The following SMCHD1 variants were observed in gnomAD, a reference collection of about 807,000 sequenced individuals.
SMCHD1 encodes the protein structural maintenance of chromosomes flexible hinge domain containing 1.
In SMCHD1, 78 loss-of-function variants were observed where a neutral mutation model predicts 254.7. The observed-to-expected ratio is 0.31, with a 90% confidence interval of 0.26 to 0.37. The LOEUF (loss-of-function observed/expected upper bound fraction) is 0.37. SMCHD1 is among the 10% of genes least tolerant of loss of function. The pLI, the probability that SMCHD1 is intolerant of heterozygous loss-of-function variation, is 1.00. For synonymous variants in SMCHD1, 766 were observed against 794.9 expected, an observed-to-expected ratio of 0.96 and a Z score of 0.61; for missense variants, 1,840 against 2,408.1, an observed-to-expected ratio of 0.76 and a Z score of 4.94.
chr18:2,708,909 ACATATT>A, intron 17 of SMCHD1, among the ~76,000 whole-genome samples: 1 of 28,378 alleles, frequency 3.5e-5, no homozygotes, highest in Non-Finnish European at 6.1e-5. Flanking sequence ...TATATATATA[ACATATT>A]AACATGAAAT....
At chr18:2,739,560 T>C in intron 27 of SMCHD1, 40 bp downstream of exon 27, 1 of 1,504,996 alleles carries the variant, frequency 6.6e-7, no homozygotes, top group South Asian at 1.1e-5. Context: ...AACAAAAAAA[T>C]CTTCTGTGAT....
At chr18:2,745,458 A>G (rs1265885459) in intron 29 of SMCHD1, among the ~76,000 whole-genome samples, 1 of 152,244 alleles carries the variant, frequency 6.6e-6, no homozygotes, top group Non-Finnish European at 1.5e-5. Context: ...TGTGAGTTTA[A>G]AAAGCAGATA....
rs933151134 is a variant in SMCHD1, at chr18:2,802,859, G to A, written c.*307G>A. ...GCAGTGACTGTAAAACTGGCACATG[G>A]CATTTATTAATCCTGAAGAAAAGTA... is the stretch of plus-strand genomic sequence containing the variant. On this transcript the variant is annotated 3_prime_UTR_variant, in exon 48 of 48. Transcript: ENST00000320876. 12 of 284,952 alleles carry A rather than the reference G, an allele frequency of 4.2e-5. No homozygotes were observed. The highest frequency in any genetic ancestry group is 6.5e-5 in the Non-Finnish European group (10 of 154,486). 17.7% of individuals were successfully genotyped at this position (284,952 alleles called of 1,614,324 possible). A position where few individuals can be genotyped will look rare whatever the true frequency, so the allele number is the denominator to read the frequency against.
intron 47 of SMCHD1, among the ~76,000 whole-genome samples, chr18:2,797,871 C>T (rs1353411262): frequency 2.0e-5 from 3 of 151,850 alleles, no homozygotes; most frequent in Non-Finnish European, 2.9e-5. Context: ...GAGCTGAGAT[C>T]GCACCATTGC....
At chr18:2,661,605 T>C (rs2073256931) in intron 1 of SMCHD1, among the ~76,000 whole-genome samples, 1 of 152,096 alleles carries the variant, frequency 6.6e-6, no homozygotes, top group South Asian at 2.1e-4. Flanking sequence ...TCTGTGGGTT[T>C]TTAATATGGG....
intron 21 of SMCHD1, 76 bp downstream of exon 21, chr18:2,725,071 A>G: frequency 1.1e-6 from 1 of 924,632 alleles, no homozygotes; most frequent in Non-Finnish European, 1.5e-6. Context: ...ATTGTAAATG[A>G]AAAGTGGAAT....
At chr18:2,760,630 C>A in intron 34 of SMCHD1, 22 bp from the exon 35 acceptor site, 1 of 1,319,118 alleles carries the variant, frequency 7.6e-7, no homozygotes, top group Admixed American at 1.7e-5. Flanking sequence ...TGTCAGTAAT[C>A]TTAACTTTCT....
chr18:2,742,463 T>A lies in SMCHD1; in HGVS notation c.3634-1298T>A, dbSNP rs577358742. On this transcript the variant is annotated intron_variant, in intron 28 of 47. Transcript: ENST00000320876. ...AGAAGAGCTATCAAATTTGGAACCCTAAGATAGACTTTGCATATTTTGAAC... is the reference window on the plus strand; with the variant it reads ...AGAAGAGCTATCAAATTTGGAACCCAAAGATAGACTTTGCATATTTTGAAC... Among the ~76,000 whole-genome samples, 6 of 152,336 alleles carry A rather than the reference T, an allele frequency of 3.9e-5. No homozygotes were observed. The South Asian group carries it at 1.2e-3, about 32-fold the overall frequency.
chr18:2,692,466 ACTGGC>A lies in SMCHD1; in HGVS notation c.874-2060_874-2056del, dbSNP rs1188078104. Among the ~76,000 whole-genome samples, 4 of 152,176 alleles carry A rather than the reference ACTGGC, an allele frequency of 2.6e-5. No homozygotes were observed. The East Asian group carries it at 7.7e-4, about 29-fold the overall frequency. ...TTCCTCTCAACTACCCTTTACAATT[ACTGGC>A]ATCCACTAGCCATGCAGTTAAAGTT... On this transcript the variant is annotated intron_variant, in intron 7 of 47. Coordinates refer to ENST00000320876, the MANE Select transcript of SMCHD1 (RefSeq NM_015295.3).
At chr18:2,713,978 T>A (rs2074739661) in intron 17 of SMCHD1, among the ~76,000 whole-genome samples, 1 of 152,224 alleles carries the variant, frequency 6.6e-6, no homozygotes, top group African/African-American at 2.4e-5. Context: ...TATTGTTGGG[T>A]AGAATGTTGT....
In SMCHD1 at chr18:2,666,137, T is replaced by C; in HGVS notation, c.187-20T>C. The C allele has an allele frequency of 8.2e-7, 1 of 1,216,844 alleles. No homozygotes were observed. The highest frequency in any genetic ancestry group is 1.3e-5 in the South Asian group (1 of 74,288). The allele number at this position is 1,216,844 out of a possible 1,614,324, so 75.4% of individuals were successfully genotyped here. A position where few individuals can be genotyped will look rare whatever the true frequency, so the allele number is the denominator to read the frequency against. ...TATTTCCTTTGTGTAATAAGTGATT[T>C]TATTTCTTATTTTGGATAGACACTT... On this transcript the variant is annotated intron_variant, in intron 1 of 47. Transcript: ENST00000320876.
At chr18:2,701,878 C>T (rs1247381854) in intron 12 of SMCHD1, among the ~76,000 whole-genome samples, 1 of 151,520 alleles carries the variant, frequency 6.6e-6, no homozygotes, top group African/African-American at 2.4e-5. Flanking sequence ...GTGCATAGTA[C>T]ATAGTATTTG....
At chr18:2,708,013 TC>T in intron 17 of SMCHD1, 93 bp downstream of exon 17, 9 of 706,008 alleles carry the variant, frequency 1.3e-5, no homozygotes, top group Non-Finnish European at 1.9e-5. Context: ...GACCTAGCAA[TC>T]TGATAGGCAT....
chr18:2,737,585 G>A (rs1426445197), intron 25 of SMCHD1, among the ~76,000 whole-genome samples: 1 of 152,018 alleles, frequency 6.6e-6, no homozygotes, highest in South Asian at 2.1e-4. Flanking sequence ...TGGGGTGCAT[G>A]CCTGTAATCT....
chr18:2,770,876 C>T lies in SMCHD1; in HGVS notation c.4967-657C>T, dbSNP rs543400165. ...CCTCAAGTGATCTGCCCACCTTGGC[C>T]CCCACAAAGTGCTAGGATTACAGGT... On this transcript the variant is annotated intron_variant, in intron 39 of 47. Coordinates refer to ENST00000320876, the MANE Select transcript of SMCHD1 (RefSeq NM_015295.3). Among the ~76,000 whole-genome samples, 274 of 152,266 alleles carry T rather than the reference C, an allele frequency of 1.8e-3. 1 individual carries two copies. Among genetic ancestry groups the T allele is most frequent in the Non-Finnish European group, 3.4e-3 (230 of 68,018 alleles).
chr18:2,771,335 T>C (rs2075980479), intron 39 of SMCHD1, among the ~76,000 whole-genome samples, 198 bp from the exon 40 acceptor site: 1 of 152,232 alleles, frequency 6.6e-6, no homozygotes. Context: ...ATTAATTTTG[T>C]TTTCTCATTT....
rs1488794671 is a variant in SMCHD1, at chr18:2,707,543, A to G, written c.2064-20A>G. 1 of 1,500,860 alleles carries G rather than the reference A, an allele frequency of 6.7e-7. No individual in the cohort carries two copies. Among genetic ancestry groups the G allele is most frequent in the Admixed American group, 2.0e-5 (1 of 51,090 alleles). 93.0% of individuals were successfully genotyped at this position (1,500,860 alleles called of 1,614,324 possible). A position where few individuals can be genotyped will look rare whatever the true frequency, so the allele number is the denominator to read the frequency against. ...AATTAACAAAGTTTGTGGAACATTAATATGCTGGTTTCATAACAGGCTCCC... is the reference window on the plus strand; with the variant it reads ...AATTAACAAAGTTTGTGGAACATTAGTATGCTGGTTTCATAACAGGCTCCC... On this transcript the variant is annotated intron_variant, in intron 15 of 47. Coordinates refer to ENST00000320876, the MANE Select transcript of SMCHD1 (RefSeq NM_015295.3).
rs35253416 is a variant in SMCHD1 at position 2,695,309 on chromosome 18, ATT to A, written c.1040+632_1040+633del. Among the ~76,000 whole-genome samples the A allele has an allele frequency of 1.2e-3, 167 of 140,694 alleles. 1 individual carries two copies. The highest frequency in any genetic ancestry group is 4.1e-3 in the African/African-American group (153 of 37,478). The allele number at this position is 140,694 out of a possible 152,430, so 92.3% of individuals were successfully genotyped here. A position where few individuals can be genotyped will look rare whatever the true frequency, so the allele number is the denominator to read the frequency against. ...AGTTATTTAATGGCTCTAAAAAAAA[ATT>A]TTTTTTTTTTTTTTTGAGACGGAGT... On this transcript the variant is annotated intron_variant, in intron 8 of 47. Coordinates refer to ENST00000320876, the MANE Select transcript of SMCHD1 (RefSeq NM_015295.3).
In SMCHD1 at chr18:2,674,158, T is replaced by C; in HGVS notation, c.638+13T>C. 1 of 1,550,214 alleles carries C rather than the reference T, an allele frequency of 6.5e-7. No homozygotes were observed. The highest frequency in any genetic ancestry group is 2.3e-5 in the Admixed American group (1 of 43,854). The stretch of plus-strand genomic sequence containing the variant: ...GTGACTTTGAAAGGTTAGAAAACCT[T>C]ACTTTTTTTTTTTTGTGGGTAGCTA... On this transcript the variant is annotated intron_variant, in intron 5 of 47. Transcript: ENST00000320876.
Sources: gnomAD v4.1 joint callset for allele counts (sites outside exome capture counted in the v4.1 genomes callset) on GRCh38, gnomAD v4.1.1 for gene constraint, MANE v1.5 for transcripts, NCBI Gene and HGNC (gene_info 2026-07-23, HGNC 2026-07-21) for gene names.